The following FREM2 variants were observed in gnomAD, a reference collection of about 807,000 sequenced individuals.
FREM2 encodes the protein FRAS1 related extracellular matrix 2, also known as FRAS1-related extracellular matrix protein 2.
Under a neutral mutation model 219.9 loss-of-function variants are expected in FREM2, and 119 were observed. The observed-to-expected ratio is 0.54, with a 90% CI of 0.47 to 0.63. The LOEUF is 0.63. Ranked by LOEUF, FREM2 falls within the 30% of genes least tolerant of loss-of-function variation. The pLI, the probability that FREM2 is intolerant of heterozygous loss-of-function variation, is 0.00. For missense variants in FREM2, 4,030 were observed against 3,993.6 expected, an observed-to-expected ratio of 1.01 and a Z score of -0.25; for synonymous variants, 1,562 against 1,522.8, an observed-to-expected ratio of 1.03 and a Z score of -0.60.
At chr13:38,723,773 G>A (rs961534284) in intron 2 of FREM2, among the ~76,000 whole-genome samples, 3 of 152,126 alleles carry the variant, frequency 2.0e-5, no homozygotes, top group African/African-American at 4.8e-5. Context: ...CACTGAAATC[G>A]CTTCCTGTAG....
rs1304720044 is a variant in FREM2 at position 38,883,945 on chromosome 13, C to A, written c.*3158C>A. ...TTCGCAAAACCTCACTGGGGGAGTG[C>A]CTTGTAGAGCTGTGGGTGGGACTGC... is the stretch of plus-strand genomic sequence containing the variant. On this transcript the variant is annotated 3_prime_UTR_variant, in exon 24 of 24. Transcript: ENST00000280481. 1 of 152,132 alleles carries A rather than the reference C, an allele frequency of 6.6e-6. No individual in the cohort carries two copies. The highest frequency in any genetic ancestry group is 1.5e-5 in the Non-Finnish European group (1 of 68,044). 9.4% of individuals were successfully genotyped at this position (152,132 alleles called of 1,614,324 possible). A position where few individuals can be genotyped will look rare whatever the true frequency, so the allele number is the denominator to read the frequency against.
chr13:38,772,327 A>G (rs747512932), intron 4 of FREM2, among the ~76,000 whole-genome samples: 1 of 152,178 alleles, frequency 6.6e-6, no homozygotes, highest in East Asian at 1.9e-4. Flanking sequence ...AACTTATCAC[A>G]GCAGAATGTG....
At chr13:38,878,618 A>G (rs945718698) in intron 22 of FREM2, among the ~76,000 whole-genome samples, 9 of 151,904 alleles carry the variant, frequency 5.9e-5, no homozygotes, top group African/African-American at 2.2e-4. Context: ...AGTTCAATCT[A>G]TGATCATGCT....
In FREM2 at chr13:38,689,182, G is replaced by C. The variant is rs145673360; in HGVS notation, c.1838G>C (p.Arg613Pro). ...PFLTTGHLLLRQTHPPHEKQE... is the reference protein window; with the variant it reads ...PFLTTGHLLLPQTHPPHEKQE... ...TTAACTACGGGGCATCTGCTTCTCC[G>C]CCAAACTCACCCTCCCCATGAGAAG... The change falls in exon 1 of 24, where the codon CGC becomes CCC. Residue 613 changes from arginine to proline, a missense_variant. By Grantham distance (103) the Arg-to-Pro change is moderately radical. Coordinates refer to ENST00000280481, the MANE Select transcript of FREM2 (RefSeq NM_207361.6). The C allele has an allele frequency of 1.2e-6, 2 of 1,613,960 alleles. No homozygotes were observed. The highest frequency in any genetic ancestry group is 1.1e-5 in the South Asian group (1 of 91,076).
At chr13:38,716,281 C>A (rs1447129001) in intron 2 of FREM2, among the ~76,000 whole-genome samples, 7 of 152,144 alleles carry the variant, frequency 4.6e-5, no homozygotes, top group Non-Finnish European at 5.9e-5. Context: ...GTCCCACTAC[C>A]AGCTCGTGCA....
In FREM2 at chr13:38,776,356, G is replaced by A. The variant is rs548508419; in HGVS notation, c.5641+6548G>A. ...CTTGTTCTATTATAGCAGATTTTTA[G>A]AAGATATTTTGTTCTATCATTGTTT... On this transcript the variant is annotated intron_variant, in intron 4 of 23. Transcript: ENST00000280481. Among the ~76,000 whole-genome samples, 5 of 152,198 alleles carry A rather than the reference G, an allele frequency of 3.3e-5. No homozygotes were observed. In the South Asian group the frequency reaches 1.0e-3, roughly 32 times the overall value.
intron 6 of FREM2, among the ~76,000 whole-genome samples, chr13:38,812,028 C>A (rs1875499536): frequency 6.6e-6 from 1 of 152,110 alleles, no homozygotes; most frequent in Non-Finnish European, 1.5e-5. Context: ...CTGAATTAAC[C>A]CCTTTATCAG....
intron 6 of FREM2, among the ~76,000 whole-genome samples, chr13:38,796,539 A>T (rs1874791610): frequency 6.6e-6 from 1 of 152,056 alleles, no homozygotes. Context: ...CTAACCCCCC[A>T]GCCCCATTCC....
intron 6 of FREM2, among the ~76,000 whole-genome samples, chr13:38,817,954 T>C (rs1301818765): frequency 6.6e-6 from 1 of 152,108 alleles, no homozygotes; most frequent in Non-Finnish European, 1.5e-5. Context: ...TCAACATTGC[T>C]AACCATCAGA....
At chr13:38,778,519 T>C (rs919179309) in intron 4 of FREM2, among the ~76,000 whole-genome samples, 1 of 152,120 alleles carries the variant, frequency 6.6e-6, no homozygotes, top group Non-Finnish European at 1.5e-5. Context: ...CTAATACCAC[T>C]GCCTTGGGGA....
intron 2 of FREM2, among the ~76,000 whole-genome samples, chr13:38,740,688 T>C (rs966080261): frequency 3.3e-5 from 5 of 152,238 alleles, no homozygotes; most frequent in African/African-American, 1.2e-4. Context: ...CATCAATTAA[T>C]GTTGATCATA....
Position 38,689,771 on chromosome 13 carries a change from A to G in FREM2, c.2427A>G (p.Arg809=), listed in dbSNP as rs551923453. ...AGTTCCAGTTCCAGGTGGAAGACCG[A>G]GCTGGGAATGTGGCTCCAGGTACCT... ...VAQFQFQVED[R]AGNVAPGTFT... is the part of the protein sequence containing the mutation. Residue 809 remains arginine, a synonymous_variant, in exon 1 of 24, where the codon CGA becomes CGG. Coordinates refer to ENST00000280481, the MANE Select transcript of FREM2 (RefSeq NM_207361.6). 1 of 1,613,556 alleles carries G rather than the reference A, an allele frequency of 6.2e-7. No individual in the cohort carries two copies. Among genetic ancestry groups the G allele is most frequent in the African/African-American group, 1.3e-5 (1 of 75,024 alleles).
chr13:38,864,678 C>A, intron 16 of FREM2, 72 bp downstream of exon 16: 2 of 1,350,592 alleles, frequency 1.5e-6, no homozygotes, highest in Non-Finnish European at 2.1e-6. Flanking sequence ...TAGATTTGTA[C>A]TAAGTCCCAA....
At chr13:38,790,018 C>T (rs1874495711) in intron 6 of FREM2, among the ~76,000 whole-genome samples, 1 of 151,936 alleles carries the variant, frequency 6.6e-6, no homozygotes, top group Admixed American at 6.6e-5. Flanking sequence ...GGGATTAAAC[C>T]CTGAGAGTAG....
chr13:38,742,322 C>T (rs548452232), intron 2 of FREM2, among the ~76,000 whole-genome samples: 22 of 152,140 alleles, frequency 1.4e-4, no homozygotes, highest in Middle Eastern at 6.8e-3. Flanking sequence ...TTTATATGGT[C>T]CAAGGATTAT....
At chr13:38,737,628 A>G (rs1252027262) in intron 2 of FREM2, among the ~76,000 whole-genome samples, 2 of 152,218 alleles carry the variant, frequency 1.3e-5, no homozygotes, top group African/African-American at 4.8e-5. Flanking sequence ...AGTGCTCAGT[A>G]TGTGATAGAT....
rs2137831399 is a variant in FREM2 at position 38,784,555 on chromosome 13, A to C, written c.5768-2A>C. The C allele has an allele frequency of 6.2e-7, 1 of 1,614,146 alleles. No homozygotes were observed. The highest frequency in any genetic ancestry group is 1.7e-4 in the Middle Eastern group (1 of 6,054). ...AATCTTTTGAATTCTCTCTGCTTCC[A>C]GGAACAGCAACTGGAACTGTGCCGA... On this transcript the variant is annotated splice_acceptor_variant, in intron 5 of 23. Transcript: ENST00000280481. LOFTEE classifies it high-confidence loss of function.
At chr13:38,697,317 A>T (rs1022599062) in intron 1 of FREM2, among the ~76,000 whole-genome samples, 14 of 152,176 alleles carry the variant, frequency 9.2e-5, no homozygotes, top group African/African-American at 3.1e-4. Flanking sequence ...GAGGCAAAGG[A>T]TGTGATTTCA....
chr13:38,823,122 G>A (rs982656835), intron 6 of FREM2, among the ~76,000 whole-genome samples: 3 of 151,956 alleles, frequency 2.0e-5, no homozygotes, highest in Non-Finnish European at 2.9e-5. Flanking sequence ...GGTTCTATGA[G>A]TACTGGATTC....
Sources: gnomAD v4.1 joint callset for allele counts (sites outside exome capture counted in the v4.1 genomes callset) on GRCh38, gnomAD v4.1.1 for gene constraint, MANE v1.5 for transcripts, NCBI Gene and HGNC (gene_info 2026-07-23, HGNC 2026-07-21) for gene names.